NTM: variants seen among roughly 807,000 people sequenced by gnomAD.
NTM encodes the protein neurotrimin.
A neutral mutation model predicts 42.1 loss-of-function variants in NTM; 13 were observed. The ratio of observed to expected loss-of-function variants is 0.31; its 90% CI spans 0.20 to 0.49. The LOEUF (loss-of-function observed/expected upper bound fraction) is 0.49, where lower values mean the gene tolerates loss of function less well. NTM is among the 20% of genes least tolerant of loss of function. NTM has a pLI of 0.99. For synonymous variants in NTM, 187 were observed against 179.2 expected (o/e 1.04, Z -0.35); for missense variants, 373 against 452.8 (o/e 0.82, Z 1.60).
chr11:131,741,142 G>T (rs1035687249), intron 1 of NTM, among the ~76,000 whole-genome samples: 2 of 150,498 alleles, frequency 1.3e-5, no homozygotes, highest in Non-Finnish European at 2.9e-5. Flanking sequence ...TCCAGCCTGG[G>T]CAACAGAGCA....
chr11:131,778,447 A>G (rs2087457927), intron 1 of NTM, among the ~76,000 whole-genome samples: 1 of 152,254 alleles, frequency 6.6e-6, no homozygotes, highest in African/African-American at 2.4e-5. Flanking sequence ...CCCTTTTCAC[A>G]TACTTAACCA....
chr11:132,061,476 A>T (rs977330987), intron 2 of NTM, among the ~76,000 whole-genome samples: 3 of 152,228 alleles, frequency 2.0e-5, no homozygotes, highest in Admixed American at 6.5e-5. Flanking sequence ...CTTATACCTA[A>T]TAGAGTGTGT....
At chr11:132,179,173 A>G (rs1219453423) in intron 3 of NTM, among the ~76,000 whole-genome samples, 1 of 152,200 alleles carries the variant, frequency 6.6e-6, no homozygotes, top group Non-Finnish European at 1.5e-5. Context: ...TGGGGAAACA[A>G]AAAAGAGGAT....
At chr11:131,696,785 G>GCACACACACA (rs34907087) in intron 1 of NTM, among the ~76,000 whole-genome samples, 1,772 of 147,830 alleles carry the variant, frequency 0.012, 33 homozygotes, top group African/African-American at 0.041. Context: ...ACCCACGCAT[G>GCACACACACA]CACACACACA....
chr11:132,185,005 C>T (rs757959307), intron 3 of NTM, among the ~76,000 whole-genome samples: 11 of 152,084 alleles, frequency 7.2e-5, no homozygotes, highest in South Asian at 2.1e-4. Flanking sequence ...TATTTTGCTG[C>T]GATTGTTTAT....
rs367868452 is a variant in NTM, at chr11:132,111,593, A to G, written c.168-34689A>G. On this transcript the variant is annotated intron_variant, in intron 2 of 8. Coordinates refer to ENST00000683400, the MANE Select transcript of NTM (RefSeq NM_001352005.2). ...CCTAAGCAAGCCAGTATGGCTGCTC[A>G]GTGTCACAGTATGCCCTGTGTAAGA... 1.2e-4 allele frequency among the ~76,000 whole-genome samples: 19 copies of G among 152,318 alleles called. No homozygotes were observed. The South Asian group carries it at 3.9e-3, about 32-fold the overall frequency.
At chr11:132,119,770 G>T (rs1354463775) in intron 2 of NTM, among the ~76,000 whole-genome samples, 1 of 152,236 alleles carries the variant, frequency 6.6e-6, no homozygotes, top group Non-Finnish European at 1.5e-5. Context: ...CAGAAGGGCA[G>T]AGCTGTTAAA....
intron 2 of NTM, among the ~76,000 whole-genome samples, chr11:132,024,261 A>C (rs1278772823): frequency 6.6e-6 from 1 of 152,066 alleles, no homozygotes; most frequent in Non-Finnish European, 1.5e-5. Flanking sequence ...TTCTTTGGTC[A>C]GTGTCTGCCA....
At chr11:131,689,520 C>T (rs145215967) in intron 1 of NTM, among the ~76,000 whole-genome samples, 51 of 152,362 alleles carry the variant, frequency 3.3e-4, no homozygotes, top group Non-Finnish European at 5.9e-4. Flanking sequence ...GAGATTCATC[C>T]CCTGGAATTC....
At chr11:132,052,643 G>A (rs1249102381) in intron 2 of NTM, among the ~76,000 whole-genome samples, 16 of 152,216 alleles carry the variant, frequency 1.1e-4, no homozygotes, top group African/African-American at 3.6e-4. Flanking sequence ...TTGCTTATTC[G>A]CTCCAAGTTT....
Position 131,866,051 on chromosome 11 carries a change from C to G in NTM, c.83-45513C>G, listed in dbSNP as rs963647137. Among the ~76,000 whole-genome samples the G allele has an allele frequency of 8.0e-5, 12 of 150,590 alleles. 1 individual carries two copies. The highest frequency in any genetic ancestry group is 1.3e-4 in the Non-Finnish European group (9 of 67,242). The stretch of plus-strand genomic sequence containing the variant: ...ATGCTACATACACACATGCTACACA[C>G]ACACTACACACACACCCCACACACT... On this transcript the variant is annotated intron_variant, in intron 1 of 8. Coordinates refer to ENST00000683400, the MANE Select transcript of NTM (RefSeq NM_001352005.2).
intron 1 of NTM, among the ~76,000 whole-genome samples, chr11:131,644,987 T>G (rs1486711093): frequency 6.6e-6 from 1 of 152,128 alleles, no homozygotes; most frequent in Non-Finnish European, 1.5e-5. Flanking sequence ...TTGCCAAGCG[T>G]GTACTCTGTC....
intron 1 of NTM, among the ~76,000 whole-genome samples, chr11:131,867,786 A>G (rs547134400): frequency 1.3e-5 from 2 of 152,266 alleles, no homozygotes; most frequent in South Asian, 2.1e-4. Flanking sequence ...TGAGATTTGC[A>G]GAGAGGGTGT....
intron 1 of NTM, among the ~76,000 whole-genome samples, chr11:131,449,389 C>T (rs1172604030): frequency 1.3e-5 from 2 of 152,180 alleles, no homozygotes; most frequent in African/African-American, 4.8e-5. Context: ...CCCTGGAGAT[C>T]ATTACAGTCC....
At chr11:131,984,620 T>C (rs1367507809) in intron 2 of NTM, 1 of 152,234 alleles carries the variant, frequency 6.6e-6, no homozygotes. Context: ...GCCCATTTGC[T>C]GTGAGTGCAT....
chr11:132,160,472 C>A (rs2074045952), intron 3 of NTM, among the ~76,000 whole-genome samples: 1 of 152,184 alleles, frequency 6.6e-6, no homozygotes, highest in African/African-American at 2.4e-5. Context: ...AAGAAAGATG[C>A]ATATATAGCA....
intron 2 of NTM, among the ~76,000 whole-genome samples, chr11:132,065,333 A>G (rs1440355926): frequency 6.6e-6 from 1 of 152,280 alleles, no homozygotes; most frequent in Middle Eastern, 3.4e-3. Flanking sequence ...GTGCTTGGCT[A>G]GTTTTCTGTC....
At chr11:131,730,569 A>G (rs2079520299) in intron 1 of NTM, among the ~76,000 whole-genome samples, 1 of 151,962 alleles carries the variant, frequency 6.6e-6, no homozygotes, top group African/African-American at 2.4e-5. Flanking sequence ...AAAAATTTAA[A>G]TCAGCTGGGC....
chr11:131,494,429 A>G (rs1232636830), intron 1 of NTM, among the ~76,000 whole-genome samples: 1 of 152,228 alleles, frequency 6.6e-6, no homozygotes, highest in Non-Finnish European at 1.5e-5. Context: ...GGCTTTCCAG[A>G]GGAGATACTA....
Sources: allele counts gnomAD v4.1 joint callset (sites outside exome capture counted in the v4.1 genomes callset), GRCh38; gene constraint gnomAD v4.1.1; transcripts MANE v1.5; gene names NCBI Gene and HGNC (gene_info 2026-07-23, HGNC 2026-07-21).